DLGAP1: variants seen among roughly 807,000 people sequenced by gnomAD.
The protein encoded by DLGAP1 is DLG associated protein 1, also known as disks large-associated protein 1.
In DLGAP1, 11 loss-of-function variants were observed where a neutral mutation model predicts 90.8. The ratio of observed to expected loss-of-function variants is 0.12; its 90% CI spans 0.08 to 0.20. The LOEUF is 0.20. Among genes scored for constraint, DLGAP1 ranks in the 10% least tolerant of loss-of-function variants. The pLI, the probability that DLGAP1 is intolerant of heterozygous loss-of-function variation, is 1.00. For synonymous variants in DLGAP1, 558 were observed against 540.7 expected, an observed-to-expected ratio of 1.03 and a Z score of -0.44; for missense variants, 1,050 against 1,333.8, an observed-to-expected ratio of 0.79 and a Z score of 3.31.
At chr18:4,102,987 T>C (rs1224109209) in intron 2 of DLGAP1, among the ~76,000 whole-genome samples, 1 of 152,224 alleles carries the variant, frequency 6.6e-6, no homozygotes, top group East Asian at 1.9e-4. Flanking sequence ...TTTATGTGAT[T>C]GAGAACATGG....
In DLGAP1 at chr18:3,889,323, T is replaced by C. The variant is rs181353741; in HGVS notation, c.-72-9183A>G. On this transcript the variant is annotated intron_variant, in intron 3 of 12. Coordinates refer to ENST00000315677, the MANE Select transcript of DLGAP1 (RefSeq NM_004746.4). ...CTGATGAAACCAAGTTATTTTTGTC[T>C]AGATTGCTCATGACTAGCTGAGTAG... Among the ~76,000 whole-genome samples, 39 of 152,310 alleles carry C rather than the reference T, an allele frequency of 2.6e-4. No homozygotes were observed. In the East Asian group the frequency reaches 4.8e-3, roughly 19 times the overall value.
intron 3 of DLGAP1, among the ~76,000 whole-genome samples, chr18:3,998,386 C>A (rs1365753133): frequency 6.6e-6 from 1 of 152,078 alleles, no homozygotes; most frequent in African/African-American, 2.4e-5. Flanking sequence ...ATTTGATGTG[C>A]CTCAGTTCAT....
chr18:3,768,627 CAAGA>C, intron 5 of DLGAP1, among the ~76,000 whole-genome samples: 1 of 152,246 alleles, frequency 6.6e-6, no homozygotes, highest in East Asian at 1.9e-4. Context: ...AATGGAGAAT[CAAGA>C]AAGCCCAAAA....
intron 1 of DLGAP1, among the ~76,000 whole-genome samples, chr18:4,388,849 C>T (rs1417493205): frequency 7.2e-5 from 11 of 151,852 alleles, no homozygotes; most frequent in Non-Finnish European, 1.3e-4. Context: ...AAAACAAAAA[C>T]AAAAAAAGAA....
intron 1 of DLGAP1, among the ~76,000 whole-genome samples, chr18:4,389,256 T>C (rs1323475987): frequency 6.6e-6 from 1 of 152,088 alleles, no homozygotes; most frequent in African/African-American, 2.4e-5. Flanking sequence ...AATAAGCCAG[T>C]CACAAAAAGA....
intron 5 of DLGAP1, among the ~76,000 whole-genome samples, chr18:3,783,838 A>G (rs961302442): frequency 6.6e-6 from 1 of 152,240 alleles, no homozygotes; most frequent in African/African-American, 2.4e-5. Flanking sequence ...ACATGTGAAT[A>G]TAAGGCTTTT....
At chr18:3,959,620 T>C (rs1244207314) in intron 3 of DLGAP1, among the ~76,000 whole-genome samples, 3 of 150,746 alleles carry the variant, frequency 2.0e-5, no homozygotes, top group Non-Finnish European at 2.9e-5. Context: ...GCTGAGTTCA[T>C]ACCACTGCAC....
intron 1 of DLGAP1, among the ~76,000 whole-genome samples, chr18:4,318,420 G>GTTTATAATATAAAATA (rs1433908051): frequency 6.6e-6 from 1 of 152,192 alleles, no homozygotes; most frequent in Non-Finnish European, 1.5e-5. Flanking sequence ...AAATCTGAAA[G>GTTTATAATATAAAATA]TTGTAACATG....
At chr18:3,713,246 T>G (rs914527857) in intron 7 of DLGAP1, among the ~76,000 whole-genome samples, 7 of 152,182 alleles carry the variant, frequency 4.6e-5, no homozygotes, top group African/African-American at 1.7e-4. Flanking sequence ...TGCAACTGAT[T>G]GGACTCCCAG....
chr18:3,624,184 C>T (rs2058207412), intron 7 of DLGAP1, among the ~76,000 whole-genome samples: 1 of 152,220 alleles, frequency 6.6e-6, no homozygotes, highest in African/African-American at 2.4e-5. Flanking sequence ...CAACGGTTGG[C>T]CTGTGCGTCA....
At chr18:4,002,557 T>C (rs1328131654) in intron 3 of DLGAP1, among the ~76,000 whole-genome samples, 2 of 143,872 alleles carry the variant, frequency 1.4e-5, no homozygotes, top group Non-Finnish European at 1.5e-5. Context: ...ACACTTTTTT[T>C]CCTCTAGCTT....
chr18:3,922,433 A>G (rs1024707159), intron 3 of DLGAP1, among the ~76,000 whole-genome samples: 1 of 152,154 alleles, frequency 6.6e-6, no homozygotes, highest in Non-Finnish European at 1.5e-5. Context: ...ATGCTCATGT[A>G]TTACTCTCTA....
At chr18:3,722,164 C>T (rs1420568116) in intron 7 of DLGAP1, 2 of 152,140 alleles carry the variant, frequency 1.3e-5, no homozygotes, top group African/African-American at 4.8e-5. Flanking sequence ...ATGCAATAAC[C>T]CCGAATGTGG....
At chr18:3,922,764 C>T (rs1230228008) in intron 3 of DLGAP1, among the ~76,000 whole-genome samples, 4 of 152,216 alleles carry the variant, frequency 2.6e-5, no homozygotes, top group Non-Finnish European at 5.9e-5. Context: ...TAAATTACTA[C>T]AAATGGAGTT....
chr18:4,312,552 T>C lies in DLGAP1; in HGVS notation c.-267+142454A>G, dbSNP rs955915691. On this transcript the variant is annotated intron_variant, in intron 1 of 12. Coordinates refer to ENST00000315677, the MANE Select transcript of DLGAP1 (RefSeq NM_004746.4). The stretch of plus-strand genomic sequence containing the variant: ...GGGTGTGAAATGTCTTTTTGACTGA[T>C]ATTTTTGACTTACAGTGGTTTACTG... 6.6e-5 allele frequency among the ~76,000 whole-genome samples: 10 copies of C among 152,310 alleles called. No individual in the cohort carries two copies. The East Asian group carries it at 9.6e-4, about 15-fold the overall frequency.
intron 5 of DLGAP1, among the ~76,000 whole-genome samples, chr18:3,744,466 A>C (rs1027678153): frequency 1.3e-5 from 2 of 151,830 alleles, no homozygotes; most frequent in African/African-American, 2.4e-5. Flanking sequence ...AATGCAAAAA[A>C]CCCCCACAAC....
intron 1 of DLGAP1, among the ~76,000 whole-genome samples, chr18:4,255,902 A>C (rs1344869687): frequency 6.6e-6 from 1 of 152,152 alleles, no homozygotes; most frequent in Non-Finnish European, 1.5e-5. Context: ...ATTCAATATC[A>C]ATCATTATTT....
intron 1 of DLGAP1, among the ~76,000 whole-genome samples, chr18:4,368,898 T>C (rs1008689882): frequency 1.3e-5 from 2 of 151,758 alleles, no homozygotes; most frequent in Admixed American, 1.3e-4. Flanking sequence ...GACAGGAGAG[T>C]AGAGCAAGCA....
intron 3 of DLGAP1, among the ~76,000 whole-genome samples, chr18:3,891,250 C>T (rs779501874): frequency 1.1e-4 from 17 of 152,164 alleles, no homozygotes; most frequent in Non-Finnish European, 2.1e-4. Flanking sequence ...CCCTTGCCAG[C>T]CTAGGAGAGA....
Sources: gnomAD v4.1 joint callset for allele counts (sites outside exome capture counted in the v4.1 genomes callset) on GRCh38, gnomAD v4.1.1 for gene constraint, MANE v1.5 for transcripts, NCBI Gene and HGNC (gene_info 2026-07-23, HGNC 2026-07-21) for gene names.